Variants in TIAM1 observed in about 807,000 individuals in gnomAD.
TIAM1 encodes the protein TIAM Rac1 associated GEF 1.
Under a neutral mutation model 163.5 loss-of-function variants are expected in TIAM1, and 65 were observed. The ratio of observed to expected loss-of-function variants is 0.40; its 90% CI spans 0.33 to 0.49. TIAM1 has a LOEUF of 0.49. Among genes scored for constraint, TIAM1 ranks in the 20% least tolerant of loss-of-function variants. TIAM1 has a pLI of 0.77. For missense variants in TIAM1, 1,789 were observed against 2,044.7 expected (o/e 0.87, Z 2.41); for synonymous variants, 833 against 810.1 (o/e 1.03, Z -0.48).
chr21:31,412,255 T>C lies in TIAM1; in HGVS notation c.-369+51728A>G, dbSNP rs569062576. Among the ~76,000 whole-genome samples, 9 of 152,294 alleles carry C rather than the reference T, an allele frequency of 5.9e-5. 1 individual carries two copies. The highest frequency in any genetic ancestry group is 2.2e-4 in the African/African-American group (9 of 41,568). Reference sequence around the variant, plus strand: ...CTCATGGCTGTAGAGTGTGGAACGATAGACAACGAAGACTTGAAAGGATGG... The same window carrying C: ...CTCATGGCTGTAGAGTGTGGAACGACAGACAACGAAGACTTGAAAGGATGG... On this transcript the variant is annotated intron_variant, in intron 2 of 28. Coordinates refer to the TIAM1 transcript ENST00000286827.
At position 31,392,975 on chromosome 21, in the gene TIAM1, A is replaced by G. The variant is rs1046698848; in HGVS notation, c.-368-53553T>C. ...CCTGTCTTCTTTTTTTTTTTTTTTG[A>G]GACTGAGTCTCACTCTGTTGCCCGG... On this transcript the variant is annotated intron_variant, in intron 2 of 28. Coordinates refer to the TIAM1 transcript ENST00000286827. Among the ~76,000 whole-genome samples, 736 of 128,406 alleles carry G rather than the reference A, an allele frequency of 5.7e-3. 7 individuals are homozygous for G. Among genetic ancestry groups the G allele is most frequent in the African/African-American group, 0.021 (702 of 32,804 alleles). 84.2% of individuals were successfully genotyped at this position (128,406 alleles called of 152,430 possible).
At chr21:31,220,198 C>T (rs548303524) in intron 8 of TIAM1, among the ~76,000 whole-genome samples, 1 of 152,340 alleles carries the variant, frequency 6.6e-6, no homozygotes, top group East Asian at 1.9e-4. Context: ...CCTGTACTTA[C>T]TGTGTCTAGT....
chr21:31,305,449 C>T (rs2074672359), intron 2 of TIAM1, among the ~76,000 whole-genome samples: 1 of 151,932 alleles, frequency 6.6e-6, no homozygotes, highest in South Asian at 2.1e-4. Flanking sequence ...CAGTTCTTAG[C>T]CTTTTTCCTT....
intron 6 of TIAM1, among the ~76,000 whole-genome samples, chr21:31,239,132 T>A (rs2071037586): frequency 6.6e-6 from 1 of 152,080 alleles, no homozygotes; most frequent in African/African-American, 2.4e-5. Flanking sequence ...AACAATTTTT[T>A]TTTTTTTTAA....
chr21:31,464,136 C>A (rs1449765152), intron 1 of TIAM1: 1 of 152,140 alleles, frequency 6.6e-6, no homozygotes, highest in Non-Finnish European at 1.5e-5. Context: ...AGAAGTGCGT[C>A]ATTTATAAAA....
At chr21:31,315,359 A>C (rs2075076055) in intron 2 of TIAM1, among the ~76,000 whole-genome samples, 1 of 151,896 alleles carries the variant, frequency 6.6e-6, no homozygotes, top group African/African-American at 2.4e-5. Flanking sequence ...CTAAAAATAC[A>C]AAAAAATTAT....
At chr21:31,446,245 T>A (rs1209099283) in intron 2 of TIAM1, among the ~76,000 whole-genome samples, 1 of 152,122 alleles carries the variant, frequency 6.6e-6, no homozygotes, top group Non-Finnish European at 1.5e-5. Context: ...CCTGCCACTG[T>A]GTTTGTTTTT....
At chr21:31,353,313 C>G (rs997585744) in intron 2 of TIAM1, among the ~76,000 whole-genome samples, 1 of 152,206 alleles carries the variant, frequency 6.6e-6, no homozygotes, top group Non-Finnish European at 1.5e-5. Context: ...GCAGTAATTT[C>G]AGCAGTTAAG....
intron 1 of TIAM1, among the ~76,000 whole-genome samples, chr21:31,517,941 T>A (rs534462105): frequency 6.6e-6 from 1 of 152,224 alleles, no homozygotes; most frequent in African/African-American, 2.4e-5. Context: ...CACAGTTTAA[T>A]GCACTTGGTT....
intron 2 of TIAM1, among the ~76,000 whole-genome samples, chr21:31,281,639 A>G (rs1297492895): frequency 6.6e-6 from 1 of 152,206 alleles, no homozygotes. Context: ...ACTGACAGAT[A>G]AATAGGTGGA....
At chr21:31,410,013 G>A (rs1380875459) in intron 2 of TIAM1, among the ~76,000 whole-genome samples, 2 of 152,102 alleles carry the variant, frequency 1.3e-5, no homozygotes, top group African/African-American at 2.4e-5. Context: ...CCAGGGAAAC[G>A]CAGCAACATC....
At chr21:31,342,961 G>C (rs1054593957) in intron 1 of TIAM1, among the ~76,000 whole-genome samples, 5 of 152,082 alleles carry the variant, frequency 3.3e-5, no homozygotes, top group Admixed American at 1.3e-4. Context: ...ATTCCGCTTC[G>C]ATATAAGAAA....
At chr21:31,171,682 G>A (rs1379938151) in intron 15 of TIAM1, among the ~76,000 whole-genome samples, 1 of 152,158 alleles carries the variant, frequency 6.6e-6, no homozygotes, top group Non-Finnish European at 1.5e-5. Flanking sequence ...ATCTCTTTAA[G>A]CGCAGACTTT....
chr21:31,264,447 G>C (rs2072647485), intron 4 of TIAM1, among the ~76,000 whole-genome samples: 2 of 152,112 alleles, frequency 1.3e-5, no homozygotes, highest in African/African-American at 4.8e-5. Context: ...CTAAGAACCA[G>C]GCACTATGCT....
intron 2 of TIAM1, among the ~76,000 whole-genome samples, chr21:31,292,633 G>A (rs554080471): frequency 6.7e-6 from 1 of 150,084 alleles, no homozygotes; most frequent in Non-Finnish European, 1.5e-5. Context: ...GCCTCCCAAA[G>A]TGCTGGGATT....
chr21:31,419,523 G>A (rs895253132), intron 2 of TIAM1, among the ~76,000 whole-genome samples: 2 of 152,162 alleles, frequency 1.3e-5, no homozygotes, highest in Admixed American at 6.5e-5. Flanking sequence ...ATGTCCAGAC[G>A]CTGATGACAG....
At chr21:31,465,664 G>A (rs1001728454) in intron 1 of TIAM1, among the ~76,000 whole-genome samples, 2 of 151,554 alleles carry the variant, frequency 1.3e-5, no homozygotes, top group East Asian at 2.0e-4. Context: ...CCCGCCTCCC[G>A]GGTTCACGCC....
chr21:31,219,024 CTTTTTTTTTTTTTTTT>C (rs35555743), intron 8 of TIAM1, among the ~76,000 whole-genome samples: 1 of 88,490 alleles, frequency 1.1e-5, no homozygotes, highest in East Asian at 4.7e-4. Context: ...GAAGCATTTC[CTTTTTTTTTTTTTTTT>C]TTTTTTTTTT....
chr21:31,298,735 G>GGTGTGTGTGTGTGTGTGTGTGTGT (rs147701527), intron 2 of TIAM1, among the ~76,000 whole-genome samples: 11 of 138,480 alleles, frequency 7.9e-5, no homozygotes, highest in Admixed American at 3.7e-4. Flanking sequence ...TCCAATTGAG[G>GGTGTGTGTGTGTGTGTGTGTGTGT]GTGTGTGTGT....
Sources: allele counts gnomAD v4.1 joint callset (sites outside exome capture counted in the v4.1 genomes callset), GRCh38; gene constraint gnomAD v4.1.1; transcripts MANE v1.5; gene names NCBI Gene and HGNC (gene_info 2026-07-23, HGNC 2026-07-21).